Variants in FAM234B observed in about 807,000 individuals in gnomAD.
The protein encoded by FAM234B is family with sequence similarity 234 member B.
Under a neutral mutation model 69.3 loss-of-function variants are expected in FAM234B, and 33 were observed. The observed-to-expected ratio is 0.48, with a 90% confidence interval of 0.36 to 0.64. FAM234B has a LOEUF of 0.64. Ranked by LOEUF, FAM234B falls within the 30% of genes least tolerant of loss-of-function variation. The probability of loss-of-function intolerance (pLI) is 0.00; values close to 1 mark genes in which losing one functional copy is unlikely to be tolerated. For missense variants in FAM234B, 697 were observed against 769.7 expected, an observed-to-expected ratio of 0.91 and a Z score of 1.12; for synonymous variants, 306 against 306.9, an observed-to-expected ratio of 1.00 and a Z score of 0.03.
chr12:13,048,231 G>A (rs1591594583), intron 1 of FAM234B, among the ~76,000 whole-genome samples: 1 of 152,100 alleles, frequency 6.6e-6, no homozygotes, highest in Admixed American at 6.6e-5. Context: ...ATATTGCTCC[G>A]CTATCTTTTA....
In FAM234B at chr12:13,044,574, G is replaced by T. The variant is rs1247218899; in HGVS notation, c.37+134G>T. 10 of 939,886 alleles carry T rather than the reference G, an allele frequency of 1.1e-5. No homozygotes were observed. Among genetic ancestry groups the T allele is most frequent in the Admixed American group, 2.4e-5 (1 of 41,272 alleles). 58.2% of individuals were successfully genotyped at this position (939,886 alleles called of 1,614,324 possible). A position where few individuals can be genotyped will look rare whatever the true frequency, so the allele number is the denominator to read the frequency against. On this transcript the variant is annotated intron_variant, in intron 1 of 12. Coordinates refer to ENST00000197268, the MANE Select transcript of FAM234B (RefSeq NM_020853.2). The surrounding 1 kb of genome is among the most constrained non-coding windows in gnomAD (Gnocchi z 5.6). ...GCTGCAGGCGCCCGGTGCCGAGGAG[G>T]GTGCAGTCCCTTGGGGCTGGGGTCT...
At chr12:13,080,080 T>A in intron 12 of FAM234B, 71 bp downstream of exon 12, 1 of 1,197,222 alleles carries the variant, frequency 8.4e-7, no homozygotes, top group Non-Finnish European at 1.2e-6. Context: ...GCTTTGTCTT[T>A]AGAAAGTAGG....
In FAM234B at chr12:13,075,979, G is replaced by A. The variant is rs143119826; in HGVS notation, c.1525-47G>A. 7.8e-4 allele frequency: 1,046 copies of A among 1,343,752 alleles called. 6 individuals carry two copies. The African/African-American group carries it at 0.014, about 18-fold the overall frequency. 83.2% of individuals were successfully genotyped at this position (1,343,752 alleles called of 1,614,324 possible). A position where few individuals can be genotyped will look rare whatever the true frequency, so the allele number is the denominator to read the frequency against. On this transcript the variant is annotated intron_variant, in intron 10 of 12. Coordinates refer to ENST00000197268, the MANE Select transcript of FAM234B (RefSeq NM_020853.2). ...TTTCACCTGAGGACTGTCACGTGTG[G>A]GAATGTAGCGTTACCTTTGCTCTTC...
intron 10 of FAM234B, 46 bp from the exon 11 acceptor site, chr12:13,075,980 G>T: frequency 7.4e-7 from 1 of 1,350,308 alleles, no homozygotes; most frequent in Non-Finnish European, 1.1e-6. Context: ...TCACGTGTGG[G>T]AATGTAGCGT....
chr12:13,071,357 C>T lies in FAM234B; in HGVS notation c.1485C>T (p.Leu495=), dbSNP rs766822456. The T allele has an allele frequency of 1.9e-6, 3 of 1,614,190 alleles. No individual in the cohort carries two copies. Among genetic ancestry groups the T allele is most frequent in the South Asian group, 2.2e-5 (2 of 91,086 alleles). The change falls in exon 10 of 13, where the codon CTC becomes CTT. Residue 495 remains leucine, a synonymous_variant. Coordinates refer to ENST00000197268, the MANE Select transcript of FAM234B (RefSeq NM_020853.2). Reference sequence around the variant, plus strand: ...CTTCAGACCAGAAGTCTGTCTTCCTCTTCTGGGCCGAAGGGCTGTCAGCTG... The same window carrying T: ...CTTCAGACCAGAAGTCTGTCTTCCTTTTCTGGGCCGAAGGGCTGTCAGCTG... ...AVTSDQKSVF[L]FWAEGLSAAS... is the part of the protein sequence containing the mutation.
chr12:13,048,016 C>T (rs903412542), intron 1 of FAM234B, among the ~76,000 whole-genome samples: 1 of 151,886 alleles, frequency 6.6e-6, no homozygotes, highest in African/African-American at 2.4e-5. Context: ...TTTGCAGTAT[C>T]TGAAAAAAAA....
At chr12:13,064,698 C>T (rs1469665579) in intron 5 of FAM234B, among the ~76,000 whole-genome samples, 1 of 152,150 alleles carries the variant, frequency 6.6e-6, no homozygotes, top group East Asian at 1.9e-4. Context: ...TCTAGGAAAA[C>T]CTTGTAGAGG....
Position 13,081,334 on chromosome 12 carries a change from A to G in FAM234B, c.*704A>G, listed in dbSNP as rs1279361029. 6.6e-6 allele frequency: 1 copy of G among 152,248 alleles called. No homozygotes were observed. The highest frequency in any genetic ancestry group is 1.5e-5 in the Non-Finnish European group (1 of 68,044). The allele number at this position is 152,248 out of a possible 1,614,324, so 9.4% of individuals were successfully genotyped here. On this transcript the variant is annotated 3_prime_UTR_variant, in exon 13 of 13. Transcript: ENST00000197268. ...CCACAAGAATAACTATATTCCTATC[A>G]CAAGGGGAGCAAGAGGATGTAGTCT...
Position 13,055,956 on chromosome 12 carries a change from A to C in FAM234B, c.433+10A>C, listed in dbSNP as rs759190830. The C allele has an allele frequency of 5.8e-6, 9 of 1,541,800 alleles. No homozygotes were observed. The highest frequency in any genetic ancestry group is 1.3e-5 in the South Asian group (1 of 79,058). On this transcript the variant is annotated intron_variant, in intron 2 of 12. Transcript: ENST00000197268. The stretch of plus-strand genomic sequence containing the variant: ...TTGGGCTCCCAGGGAGGTGAGCTGC[A>C]GAATCTTCAGCCCTAATCCTGTGAA...
chr12:13,057,484 C>T (rs917402897), intron 2 of FAM234B, among the ~76,000 whole-genome samples: 1 of 151,088 alleles, frequency 6.6e-6, no homozygotes, highest in Non-Finnish European at 1.5e-5. Context: ...ATAAATGATG[C>T]TGCTAAGAAC....
At chr12:13,069,133 G>A (rs1266494512) in intron 9 of FAM234B, among the ~76,000 whole-genome samples, 16 of 152,154 alleles carry the variant, frequency 1.1e-4, no homozygotes, top group Non-Finnish European at 1.9e-4. Context: ...AAGCTGAATC[G>A]TATTTATGTA....
chr12:13,061,102 A>C (rs893481246), intron 3 of FAM234B, among the ~76,000 whole-genome samples: 4 of 152,214 alleles, frequency 2.6e-5, no homozygotes, highest in Non-Finnish European at 4.4e-5. Flanking sequence ...CCCGCGCTGC[A>C]CACGTTCTGG....
At position 13,067,395 on chromosome 12, in the gene FAM234B, AG is replaced by A. The variant is rs1865052320; in HGVS notation, c.1142+101del. The A allele has an allele frequency of 5.6e-6, 7 of 1,256,286 alleles. No individual in the cohort carries two copies. 77.8% of individuals were successfully genotyped at this position (1,256,286 alleles called of 1,614,324 possible). A position where few individuals can be genotyped will look rare whatever the true frequency, so the allele number is the denominator to read the frequency against. ...GTTGGGCTGGTGAATATGTGGGTAG[AG>A]GTTTAGGGGAAACAGTGCTTATCTT... On this transcript the variant is annotated intron_variant, in intron 7 of 12. Coordinates refer to ENST00000197268, the MANE Select transcript of FAM234B (RefSeq NM_020853.2). The surrounding 1 kb of genome is among the most constrained non-coding windows in gnomAD (Gnocchi z 4.7).
In FAM234B at chr12:13,068,271, A is replaced by G. The variant is rs777770374; in HGVS notation, c.1143-33A>G. 8 of 1,613,014 alleles carry G rather than the reference A, an allele frequency of 5.0e-6. No individual in the cohort carries two copies. The South Asian group carries it at 8.8e-5, about 18-fold the overall frequency. Reference sequence around the variant, plus strand: ...ATGGCTCAGAAATCTCATCCAAGCCAGAGACTAACCGTTGGGGTCTTATTT... The same window carrying G: ...ATGGCTCAGAAATCTCATCCAAGCCGGAGACTAACCGTTGGGGTCTTATTT... On this transcript the variant is annotated intron_variant, in intron 7 of 12. Coordinates refer to ENST00000197268, the MANE Select transcript of FAM234B (RefSeq NM_020853.2).
At chr12:13,068,513 A>C in intron 8 of FAM234B, 66 bp downstream of exon 8, 1 of 1,595,796 alleles carries the variant, frequency 6.3e-7, no homozygotes, top group Non-Finnish European at 8.6e-7. Flanking sequence ...AAAATTGTCC[A>C]GGACAATTGC....
At chr12:13,056,265 T>A (rs1864929879) in intron 2 of FAM234B, among the ~76,000 whole-genome samples, 1 of 152,196 alleles carries the variant, frequency 6.6e-6, no homozygotes, top group African/African-American at 2.4e-5. Context: ...AAGGGCTATT[T>A]ACAGAGAAAA....
chr12:13,063,235 C>T (rs1159910734), intron 5 of FAM234B, among the ~76,000 whole-genome samples: 1 of 152,136 alleles, frequency 6.6e-6, no homozygotes, highest in Non-Finnish European at 1.5e-5. Context: ...TCCACCTCTA[C>T]CACTTTATAT....
At chr12:13,064,304 T>C (rs577661936) in intron 5 of FAM234B, among the ~76,000 whole-genome samples, 2 of 152,328 alleles carry the variant, frequency 1.3e-5, no homozygotes, top group East Asian at 3.9e-4. Context: ...CCATTGTGAA[T>C]AGAGAGATTG....
At chr12:13,047,471 A>G (rs1386998153) in intron 1 of FAM234B, among the ~76,000 whole-genome samples, 1 of 152,214 alleles carries the variant, frequency 6.6e-6, no homozygotes, top group African/African-American at 2.4e-5. Flanking sequence ...AGTATAGTGT[A>G]TACTATAGTA....
Sources: allele counts gnomAD v4.1 joint callset (sites outside exome capture counted in the v4.1 genomes callset), GRCh38; gene constraint gnomAD v4.1.1; non-coding constraint Gnocchi (gnomAD v3.1); transcripts MANE v1.5; gene names NCBI Gene and HGNC (gene_info 2026-07-23, HGNC 2026-07-21).